KIAA0753: variants seen among roughly 807,000 people sequenced by gnomAD.
KIAA0753 encodes KIAA0753.
Under a neutral mutation model 116.9 loss-of-function variants are expected in KIAA0753, and 114 were observed. That is an observed-to-expected ratio of 0.98 (90% CI 0.84 to 1.14). KIAA0753 has a LOEUF of 1.14. Among genes scored for constraint, KIAA0753 ranks in the 50% most tolerant of loss-of-function variants. The pLI is 0.00. For missense variants in KIAA0753, 1,156 were observed against 1,172.4 expected (o/e 0.99, Z 0.20); for synonymous variants, 405 against 413.1 (o/e 0.98, Z 0.24).
chr17:6,612,853 A>G (rs1970645909), intron 7 of KIAA0753, among the ~76,000 whole-genome samples: 1 of 152,228 alleles, frequency 6.6e-6, no homozygotes, highest in African/African-American at 2.4e-5. Flanking sequence ...GAGGGACAAG[A>G]GCGAGGCTTC....
Position 6,592,478 on chromosome 17 carries a change from G to C in KIAA0753, c.2441-1848C>G, listed in dbSNP as rs1485218164. Among the ~76,000 whole-genome samples, 3 of 152,160 alleles carry C rather than the reference G, an allele frequency of 2.0e-5. No homozygotes were observed. In the East Asian group the frequency reaches 5.8e-4, roughly 29 times the overall value. ...TAAGCACAAGTCAAACAGAATTTGA[G>C]TAACGTTTCCCAGCCAAAGTGGTGA... On this transcript the variant is annotated intron_variant, in intron 16 of 18. Coordinates refer to ENST00000361413, the MANE Select transcript of KIAA0753 (RefSeq NM_014804.3).
intron 7 of KIAA0753, among the ~76,000 whole-genome samples, chr17:6,614,906 C>A (rs1468138997): frequency 6.6e-6 from 1 of 152,174 alleles, no homozygotes; most frequent in Non-Finnish European, 1.5e-5. Context: ...TCAAGAGATT[C>A]TCCTGCCTCA....
chr17:6,615,494 A>T (rs1036162214), intron 7 of KIAA0753, among the ~76,000 whole-genome samples: 5 of 151,980 alleles, frequency 3.3e-5, no homozygotes, highest in African/African-American at 4.8e-5. Flanking sequence ...AGGTGCCTGT[A>T]GTCCCAGCTA....
Position 6,628,209 on chromosome 17 carries a change from T to C in KIAA0753, c.626A>G (p.Asn209Ser), listed in dbSNP as rs541105394. ...TAGCAGGCTTTTCTGTTCACTTATGTTTTTGTGGTCACCTATCCTGGGATG... is the reference window on the plus strand; with the variant it reads ...TAGCAGGCTTTTCTGTTCACTTATGCTTTTGTGGTCACCTATCCTGGGATG... ...QPHPRIGDHK[N>S]ISEQKSLLEV... is the part of the protein sequence containing the mutation. Residue 209 changes from asparagine (N) to serine (S), a missense_variant, in exon 3 of 19, where the codon AAC becomes AGC. Transcript: ENST00000361413. The C allele has an allele frequency of 6.2e-7, 1 of 1,614,210 alleles. No homozygotes were observed. Among genetic ancestry groups the C allele is most frequent in the African/African-American group, 1.3e-5 (1 of 75,044 alleles).
intron 5 of KIAA0753, 28 bp downstream of exon 5, chr17:6,623,481 T>C (rs1971461901): frequency 1.3e-6 from 2 of 1,525,774 alleles, no homozygotes; most frequent in Non-Finnish European, 1.8e-6. Context: ...TATAAGCAAG[T>C]ATTGATCATA....
At chr17:6,585,778 T>A (rs1035954149) in intron 18 of KIAA0753, among the ~76,000 whole-genome samples, 2 of 152,250 alleles carry the variant, frequency 1.3e-5, no homozygotes, top group African/African-American at 4.8e-5. Flanking sequence ...CTGTTTTTAA[T>A]GTTTTATTCT....
At chr17:6,605,088 G>GAA (rs35631503) in intron 12 of KIAA0753, among the ~76,000 whole-genome samples, 28 of 75,808 alleles carry the variant, frequency 3.7e-4, no homozygotes, top group African/African-American at 8.1e-4. Flanking sequence ...TCTCTAACTT[G>GAA]AAAAAAAAAA....
chr17:6,595,338 A>C (rs1238278748), intron 15 of KIAA0753, among the ~76,000 whole-genome samples: 3 of 152,210 alleles, frequency 2.0e-5, no homozygotes, highest in African/African-American at 7.2e-5. Flanking sequence ...CTAACTACTG[A>C]CTCCTTAGAG....
At chr17:6,635,324 T>C (rs1972255367) in intron 1 of KIAA0753, 153 bp from the exon 2 acceptor site, 1 of 339,148 alleles carries the variant, frequency 2.9e-6, no homozygotes, top group African/African-American at 2.7e-5. Flanking sequence ...TAAATGATAG[T>C]TTCTTCCATT....
At chr17:6,622,181 T>C (rs1045179868) in intron 6 of KIAA0753, among the ~76,000 whole-genome samples, 5 of 152,122 alleles carry the variant, frequency 3.3e-5, no homozygotes, top group African/African-American at 9.7e-5. Context: ...AGTCAGAAAA[T>C]AGAATTTGAT....
intron 14 of KIAA0753, among the ~76,000 whole-genome samples, chr17:6,597,952 G>A (rs544361718): frequency 6.6e-5 from 10 of 152,282 alleles, no homozygotes; most frequent in African/African-American, 1.9e-4. Context: ...GACTCTTGAC[G>A]GTGCTGCCTG....
intron 3 of KIAA0753, among the ~76,000 whole-genome samples, chr17:6,627,663 T>C (rs999668014): frequency 6.6e-6 from 1 of 152,224 alleles, no homozygotes; most frequent in Non-Finnish European, 1.5e-5. Context: ...ACTTCCCTTG[T>C]CACTGGTGTG....
intron 10 of KIAA0753, among the ~76,000 whole-genome samples, chr17:6,608,107 A>T (rs1970306313): frequency 6.6e-6 from 1 of 152,268 alleles, no homozygotes; most frequent in Admixed American, 6.5e-5. Flanking sequence ...CAAGTGATAT[A>T]TAATTGACAC....
chr17:6,589,983 C>T lies in KIAA0753; in HGVS notation c.2582G>A (p.Gly861Glu), dbSNP rs1029014632. The T allele has an allele frequency of 8.3e-6, 13 of 1,568,924 alleles. No individual in the cohort carries two copies. In the African/African-American group the frequency reaches 1.5e-4, roughly 18 times the overall value. The change falls in exon 18 of 19, where the codon GGA becomes GAA. Residue 861 changes from glycine to glutamate, a missense_variant. Coordinates refer to ENST00000361413, the MANE Select transcript of KIAA0753 (RefSeq NM_014804.3). ...TCTTTTCTCTGATCCTTCCTCTGTT[C>T]CCACACTTTCATCCAGGGAACTGAG... The part of the protein sequence containing the change: ...CNGNSLDESV[G>E]TEEGSEKREA...
At chr17:6,607,318 G>A (rs1449841369) in intron 10 of KIAA0753, 48 bp from the exon 11 acceptor site, 1 of 1,461,950 alleles carries the variant, frequency 6.8e-7, no homozygotes, top group African/African-American at 1.4e-5. Flanking sequence ...CGACACTGCA[G>A]GGTGTCATCA....
chr17:6,593,734 A>C (rs1567543891), intron 16 of KIAA0753, among the ~76,000 whole-genome samples: 6 of 152,244 alleles, frequency 3.9e-5, no homozygotes. Flanking sequence ...CAATTAAAAA[A>C]TTAGCTGGGC....
intron 8 of KIAA0753, among the ~76,000 whole-genome samples, chr17:6,610,425 T>C (rs1462452141): frequency 6.6e-6 from 1 of 151,590 alleles, no homozygotes; most frequent in African/African-American, 2.4e-5. Flanking sequence ...ATATAAAATA[T>C]ATTTTTATTT....
At chr17:6,579,917 TCA>T in intron 18 of KIAA0753, 53 bp from the exon 19 acceptor site, 1 of 1,330,798 alleles carries the variant, frequency 7.5e-7, no homozygotes, top group Non-Finnish European at 1.1e-6. Context: ...GCGCGGTGGC[TCA>T]CACCTGTCAT....
chr17:6,601,398 G>A (rs978932716), intron 12 of KIAA0753, among the ~76,000 whole-genome samples: 12 of 152,120 alleles, frequency 7.9e-5, no homozygotes, highest in African/African-American at 2.9e-4. Flanking sequence ...CAGGCTAAAT[G>A]CTATGTTATT....
Sources: allele counts gnomAD v4.1 joint callset (sites outside exome capture counted in the v4.1 genomes callset), GRCh38; gene constraint gnomAD v4.1.1; transcripts MANE v1.5; gene names NCBI Gene and HGNC (gene_info 2026-07-23, HGNC 2026-07-21).